The following CALCRL variants were observed in gnomAD, a reference collection of about 807,000 sequenced individuals.
CALCRL encodes the protein calcitonin gene-related peptide type 1 receptor.
In CALCRL, 27 loss-of-function variants were observed where a neutral mutation model predicts 60.4. That is an observed-to-expected ratio of 0.45 (90% CI 0.33 to 0.62). The LOEUF is 0.62. Among genes scored for constraint, CALCRL ranks in the 20% least tolerant of loss-of-function variants. CALCRL has a pLI of 0.03. For synonymous variants in CALCRL, 190 were observed against 182.6 expected (o/e 1.04, Z -0.33); for missense variants, 424 against 540.7 (o/e 0.78, Z 2.14).
intron 8 of CALCRL, 116 bp from the exon 9 acceptor site, chr2:187,363,618 T>A (rs1243874808): frequency 9.1e-7 from 1 of 1,093,872 alleles, no homozygotes; most frequent in African/African-American, 1.6e-5. Context: ...AAACAATTAT[T>A]TTTTCTCCCT....
In CALCRL at chr2:187,385,531, A is replaced by T; in HGVS notation, c.51+14T>A. 7.9e-7 allele frequency: 1 copy of T among 1,262,596 alleles called. No homozygotes were observed. The highest frequency in any genetic ancestry group is 1.1e-6 in the Non-Finnish European group (1 of 876,560). The allele number at this position is 1,262,596 out of a possible 1,614,324, so 78.2% of individuals were successfully genotyped here. A position where few individuals can be genotyped will look rare whatever the true frequency, so the allele number is the denominator to read the frequency against. ...AGCAATAACAGACATAATCATATAT[A>T]TTTTTATGCTTACCATAAAAAAAGG... On this transcript the variant is annotated intron_variant, in intron 4 of 14. Transcript: ENST00000392370.
intron 1 of CALCRL, among the ~76,000 whole-genome samples, chr2:187,417,917 A>G (rs962114899): frequency 2.0e-5 from 3 of 152,204 alleles, no homozygotes; most frequent in Non-Finnish European, 4.4e-5. Context: ...AACCCACAGT[A>G]TAGGATTTTT....
At chr2:187,347,151 A>T (rs956600534) in intron 14 of CALCRL, among the ~76,000 whole-genome samples, 1 of 151,772 alleles carries the variant, frequency 6.6e-6, no homozygotes, top group African/African-American at 2.4e-5. Flanking sequence ...CCTATACAGT[A>T]AAATATTGGT....
intron 8 of CALCRL, among the ~76,000 whole-genome samples, chr2:187,370,283 T>A (rs1285032961): frequency 6.6e-6 from 1 of 152,150 alleles, no homozygotes; most frequent in Non-Finnish European, 1.5e-5. Context: ...TCTGTGGGTA[T>A]GATCGAGAAA....
chr2:187,359,241 G>A lies in CALCRL; in HGVS notation c.813C>T (p.Ala271=). The change falls in exon 11 of 15, where the codon GCC becomes GCT. Residue 271 remains alanine (A), a synonymous_variant. Coordinates refer to ENST00000392370, the MANE Select transcript of CALCRL (RefSeq NM_005795.6). ...GFPLIPACIH[A]IARSLYYNDN... Reference sequence around the variant, plus strand: ...CATTGTAATATAAGCTTCTAGCAATGGCATGTATACAAGCAGGAATCAGTG... The same window carrying A: ...CATTGTAATATAAGCTTCTAGCAATAGCATGTATACAAGCAGGAATCAGTG... 6.3e-7 allele frequency: 1 copy of A among 1,585,728 alleles called. No homozygotes were observed.
chr2:187,430,329 G>A (rs1690346402), intron 1 of CALCRL, among the ~76,000 whole-genome samples: 1 of 152,096 alleles, frequency 6.6e-6, no homozygotes. Flanking sequence ...ACAGAAGGAG[G>A]AATGATGTCA....
intron 12 of CALCRL, among the ~76,000 whole-genome samples, chr2:187,358,163 C>T (rs543600829): frequency 6.6e-6 from 1 of 151,936 alleles, no homozygotes; most frequent in African/African-American, 2.4e-5. Context: ...CCAGCCTGGG[C>T]AACATAGTGA....
At chr2:187,404,030 C>T (rs1689009629) in intron 1 of CALCRL, among the ~76,000 whole-genome samples, 1 of 151,836 alleles carries the variant, frequency 6.6e-6, no homozygotes. Context: ...ATTATCAACT[C>T]AATTGTATGT....
chr2:187,395,152 C>G (rs1363894633), intron 1 of CALCRL, among the ~76,000 whole-genome samples: 2 of 152,016 alleles, frequency 1.3e-5, no homozygotes, highest in African/African-American at 4.8e-5. Context: ...GCCAAAGTCA[C>G]AAAGATGCTT....
At chr2:187,429,993 T>A (rs1303230633) in intron 1 of CALCRL, among the ~76,000 whole-genome samples, 1 of 152,204 alleles carries the variant, frequency 6.6e-6, no homozygotes, top group East Asian at 1.9e-4. Flanking sequence ...GTAAGTGAAT[T>A]TTCTCCCATT....
intron 1 of CALCRL, among the ~76,000 whole-genome samples, chr2:187,437,100 C>G (rs1369950371): frequency 6.6e-6 from 1 of 152,166 alleles, no homozygotes; most frequent in Non-Finnish European, 1.5e-5. Flanking sequence ...TTGGGTCAAT[C>G]TCCCAAGCCT....
intron 1 of CALCRL, among the ~76,000 whole-genome samples, chr2:187,444,926 T>G (rs1306465237): frequency 6.6e-6 from 1 of 151,592 alleles, no homozygotes; most frequent in Non-Finnish European, 1.5e-5. Context: ...GACTTGTATT[T>G]CTGGTAAGTT....
intron 1 of CALCRL, among the ~76,000 whole-genome samples, chr2:187,419,445 A>G (rs1689772729): frequency 6.6e-6 from 1 of 152,160 alleles, no homozygotes; most frequent in African/African-American, 2.4e-5. Context: ...CAACACCTTG[A>G]TCTTGGACTT....
chr2:187,443,443 A>G (rs1691020693), intron 1 of CALCRL, among the ~76,000 whole-genome samples: 2 of 151,752 alleles, frequency 1.3e-5, no homozygotes, highest in South Asian at 4.1e-4. Context: ...ATGGATGAGA[A>G]AGGGGAACTA....
At chr2:187,379,545 G>C (rs964506317) in intron 7 of CALCRL, among the ~76,000 whole-genome samples, 1 of 151,908 alleles carries the variant, frequency 6.6e-6, no homozygotes, top group Non-Finnish European at 1.5e-5. Flanking sequence ...CTTTCTCATG[G>C]TTTTCACTTT....
At chr2:187,437,941 T>C (rs1002946745) in intron 1 of CALCRL, among the ~76,000 whole-genome samples, 1 of 152,192 alleles carries the variant, frequency 6.6e-6, no homozygotes, top group African/African-American at 2.4e-5. Context: ...TGACACATTT[T>C]ATATACATAT....
intron 8 of CALCRL, among the ~76,000 whole-genome samples, chr2:187,378,122 A>C (rs1169180922): frequency 6.6e-6 from 1 of 151,858 alleles, no homozygotes; most frequent in East Asian, 1.9e-4. Flanking sequence ...AAGAAGAACA[A>C]GAAGAAGGAG....
In CALCRL at chr2:187,427,276, C is replaced by T. The variant is rs566398312; in HGVS notation, c.-293+20763G>A. On this transcript the variant is annotated intron_variant, in intron 1 of 14. Coordinates refer to ENST00000392370, the MANE Select transcript of CALCRL (RefSeq NM_005795.6). ...AGGAAATTGATTTCTGTAAAAGAAG[C>T]TGTTTCTGCCTATGTGGTAAGGGTA... Among the ~76,000 whole-genome samples, 18 of 152,272 alleles carry T rather than the reference C, an allele frequency of 1.2e-4. No homozygotes were observed. The South Asian group carries it at 3.5e-3, about 30-fold the overall frequency.
chr2:187,446,648 C>T (rs1691201433), intron 1 of CALCRL, among the ~76,000 whole-genome samples: 2 of 151,730 alleles, frequency 1.3e-5, no homozygotes, highest in Non-Finnish European at 3.0e-5. Context: ...ACTTTCTCCC[C>T]CATTTATATA....
Sources: allele counts gnomAD v4.1 joint callset (sites outside exome capture counted in the v4.1 genomes callset), GRCh38; gene constraint gnomAD v4.1.1; transcripts MANE v1.5; gene names NCBI Gene and HGNC (gene_info 2026-07-23, HGNC 2026-07-21).